Variants in BHMT2 observed in about 807,000 individuals in gnomAD.
BHMT2 encodes the protein betaine--homocysteine S-methyltransferase 2.
Under a neutral mutation model 39.0 loss-of-function variants are expected in BHMT2, and 28 were observed. That is an observed-to-expected ratio of 0.72 (90% confidence interval 0.53 to 0.98). BHMT2 has a LOEUF of 0.98. Among genes scored for constraint, BHMT2 ranks in the 50% least tolerant of loss-of-function variants. BHMT2 has a pLI of 0.00. For synonymous variants in BHMT2, 145 were observed against 160.6 expected, an observed-to-expected ratio of 0.90 and a Z score of 0.74; for missense variants, 410 against 455.6, an observed-to-expected ratio of 0.90 and a Z score of 0.91.
Position 79,089,298 on chromosome 5 carries a change from A to G in BHMT2, c.*724A>G, listed in dbSNP as rs1580257362. 1 of 152,202 alleles carries G rather than the reference A, an allele frequency of 6.6e-6. No homozygotes were observed. The highest frequency in any genetic ancestry group is 1.5e-5 in the Non-Finnish European group (1 of 68,060). The allele number at this position is 152,202 out of a possible 1,614,324, so 9.4% of individuals were successfully genotyped here. The stretch of plus-strand genomic sequence containing the variant: ...GAAACCCTGTCTCTACCAAAATACA[A>G]AAATTAGCCGGGCATGATGGCGGGT... On this transcript the variant is annotated 3_prime_UTR_variant, in exon 8 of 8. Transcript: ENST00000255192.
In BHMT2 at chr5:79,083,282, G is replaced by A; in HGVS notation, c.689G>A (p.Gly230Glu). 6.2e-7 allele frequency: 1 copy of A among 1,614,092 alleles called. No homozygotes were observed. The highest frequency in any genetic ancestry group is 8.5e-7 in the Non-Finnish European group (1 of 1,179,982). The part of the protein sequence containing the change: ...ELMKEGLEWA[G>E]LKAHLMVQPL... ...ATGAAGGAGGGTCTTGAGTGGGCAG[G>A]GCTGAAAGCGCACCTCATGGTGCAG... Residue 230 changes from glycine (G) to glutamate (E), a missense_variant, in exon 6 of 8, where the codon GGG becomes GAG. Gly to Glu is a moderately conservative substitution (Grantham distance 98). Coordinates refer to ENST00000255192, the MANE Select transcript of BHMT2 (RefSeq NM_017614.5).
chr5:79,078,911 A>T (rs1480765196), intron 2 of BHMT2, among the ~76,000 whole-genome samples: 3 of 152,254 alleles, frequency 2.0e-5, no homozygotes, highest in Non-Finnish European at 4.4e-5. Context: ...AAGCTTCCAG[A>T]CTGCTTTCTG....
rs1317084891 is a variant in BHMT2, at chr5:79,083,640, G to A, written c.794G>A (p.Arg265Lys). 1 of 1,614,004 alleles carries A rather than the reference G, an allele frequency of 6.2e-7. No individual in the cohort carries two copies. Among genetic ancestry groups the A allele is most frequent in the Admixed American group, 1.7e-5 (1 of 60,012 alleles). Residue 265 changes from arginine to lysine, a missense_variant, in exon 7 of 8, where the codon AGA (arginine) becomes AAA (lysine). By Grantham distance (26) the Arg-to-Lys change is conservative (BLOSUM62 2). Transcript: ENST00000255192. ...TATTGTGATTCAGGACTGGAGTCCA[G>A]AGTTGCCACCAGATGGGATATTCAA... is the stretch of plus-strand genomic sequence containing the variant. The part of the protein sequence containing the change: ...LPEYPFGLES[R>K]VATRWDIQKY...
Position 79,088,491 on chromosome 5 carries a change from A to G in BHMT2, c.1011-2A>G, listed in dbSNP as rs772067632. 4 of 1,612,914 alleles carry G rather than the reference A, an allele frequency of 2.5e-6. No individual in the cohort carries two copies. The African/African-American group carries it at 5.3e-5, about 22-fold the overall frequency. On this transcript the variant is annotated splice_acceptor_variant, in intron 7 of 7. Transcript: ENST00000255192. LOFTEE classifies it high-confidence loss of function. ...ATTAATTATGTATATATTGAAACAC[A>G]GGGCTCGAAGGGAGTATTGGGAGAA...
At position 79,088,524 on chromosome 5, in the gene BHMT2, C is replaced by T; in HGVS notation, c.1042C>T (p.Pro348Ser). 1.9e-6 allele frequency: 3 copies of T among 1,614,052 alleles called. No homozygotes were observed. The highest frequency in any genetic ancestry group is 2.5e-6 in the Non-Finnish European group (3 of 1,179,992). The change falls in exon 8 of 8, where the codon CCA (proline) becomes TCA (serine). Residue 348 changes from proline (P) to serine (S), a missense_variant. Coordinates refer to ENST00000255192, the MANE Select transcript of BHMT2 (RefSeq NM_017614.5). The stretch of plus-strand genomic sequence containing the variant: ...AAGGGAGTATTGGGAGAATCTGCTG[C>T]CAGCTTCAGGCAGACCTTTCTGTCC... ...ARREYWENLL[P>S]ASGRPFCPSL... is the part of the protein sequence containing the mutation.
chr5:79,083,369 C>A lies in BHMT2; in HGVS notation c.776C>A (p.Pro259His). 1 of 1,595,544 alleles carries A rather than the reference C, an allele frequency of 6.3e-7. No individual in the cohort carries two copies. The change falls in exon 6 of 8, where the codon CCC (proline) becomes CAC (histidine). Residue 259 changes from proline to histidine, a missense_variant. Pro to His is a moderately conservative substitution (Grantham distance 77, BLOSUM62 -2). Transcript: ENST00000255192. ...KEGFVDLPEYPFGLESRVATR... is the reference protein window; with the variant it reads ...KEGFVDLPEYHFGLESRVATR... ...GGGTTTGTGGATCTCCCAGAATATC[C>A]CTTTGGTAAGCTCAGGTGCATAGTA...
intron 6 of BHMT2, 40 bp from the exon 7 acceptor site, chr5:79,083,588 G>A (rs370399510): frequency 2.5e-6 from 4 of 1,602,670 alleles, no homozygotes; most frequent in African/African-American, 1.3e-5. Context: ...ATTTGAAAAT[G>A]AGAACAGTAA....
At position 79,083,203 on chromosome 5, in the gene BHMT2, G is replaced by A. The variant is rs139123468; in HGVS notation, c.610G>A (p.Val204Ile). 4.1e-5 allele frequency: 66 copies of A among 1,614,036 alleles called. No individual in the cohort carries two copies. The African/African-American group carries it at 4.4e-4, about 11-fold the overall frequency. The change falls in exon 6 of 8, where the codon GTT becomes ATT. Residue 204 changes from valine (V) to isoleucine (I), a missense_variant. Transcript: ENST00000255192. ...VRLVKAGASI[V>I]GVNCRFGPDT... is the part of the protein sequence containing the mutation. ...ATTTCTTTGCACAGGGGCTTCCATC[G>A]TTGGCGTGAACTGCCGCTTTGGGCC...
chr5:79,078,145 TA>T (rs1181095911), intron 2 of BHMT2: 1 of 152,010 alleles, frequency 6.6e-6, no homozygotes, highest in Non-Finnish European at 1.5e-5. Context: ...TGGTTAAGTG[TA>T]ACAGCGTTTA....
intron 7 of BHMT2, among the ~76,000 whole-genome samples, chr5:79,086,927 T>C (rs1755906487): frequency 6.6e-6 from 1 of 151,092 alleles, no homozygotes; most frequent in East Asian, 1.9e-4. Context: ...TATGGATCAT[T>C]GTATTTCACA....
Position 79,089,700 on chromosome 5 carries a change from C to G in BHMT2, c.*1126C>G, listed in dbSNP as rs1332452493. 6.6e-6 allele frequency among the ~76,000 whole-genome samples: 1 copy of G among 152,192 alleles called. No individual in the cohort carries two copies. Among genetic ancestry groups the G allele is most frequent in the Non-Finnish European group, 1.5e-5 (1 of 68,034 alleles). On this transcript the variant is annotated 3_prime_UTR_variant, in exon 8 of 8. Transcript: ENST00000255192. ...TCAGAGTTTAGGCCAGGGGCACAGG[C>G]TGACACCTATAATCCCAGCACTTTG...
intron 1 of BHMT2, 52 bp from the exon 2 acceptor site, chr5:79,077,428 G>GAAAA: frequency 5.1e-6 from 7 of 1,360,750 alleles, no homozygotes; most frequent in South Asian, 2.8e-5. Flanking sequence ...ATGCTTTTAG[G>GAAAA]AAAAAAAAAA....
intron 2 of BHMT2, 73 bp from the exon 3 acceptor site, chr5:79,079,295 CT>C: frequency 8.6e-7 from 1 of 1,159,962 alleles, no homozygotes; most frequent in Non-Finnish European, 1.3e-6. Context: ...GCTACTGCTG[CT>C]TTTGAAAATG....
intron 1 of BHMT2, among the ~76,000 whole-genome samples, chr5:79,070,753 A>G (rs1004117917): frequency 6.6e-6 from 1 of 152,240 alleles, no homozygotes; most frequent in African/African-American, 2.4e-5. Flanking sequence ...AGACAGTTAA[A>G]TAACTTAGTA....
chr5:79,075,810 G>A (rs1418771794), intron 1 of BHMT2, among the ~76,000 whole-genome samples: 5 of 152,222 alleles, frequency 3.3e-5, no homozygotes, highest in African/African-American at 1.2e-4. Flanking sequence ...TGCAGGGTGT[G>A]TGATGGAGGC....
In BHMT2 at chr5:79,082,841, T is replaced by A; in HGVS notation, c.483T>A (p.Ala161=). The change falls in exon 5 of 8, where the codon GCT becomes GCA. Residue 161 remains alanine (A), a synonymous_variant. Transcript: ENST00000255192. ...YFEHVEEAVW[A]VEVLKESDRP... ...AGCACGTTGAAGAAGCTGTGTGGGCTGTGGAAGTCTTAAAAGAATCAGATA... is the reference window on the plus strand; with the variant it reads ...AGCACGTTGAAGAAGCTGTGTGGGCAGTGGAAGTCTTAAAAGAATCAGATA... The A allele has an allele frequency of 6.2e-7, 1 of 1,614,188 alleles. No individual in the cohort carries two copies. The highest frequency in any genetic ancestry group is 1.6e-4 in the Middle Eastern group (1 of 6,062).
chr5:79,082,741 A>G (rs1412023010), intron 4 of BHMT2, 68 bp from the exon 5 acceptor site: 7 of 1,557,744 alleles, frequency 4.5e-6, no homozygotes, highest in African/African-American at 1.4e-5. Flanking sequence ...CTGTTTTGCT[A>G]TATTTACCTT....
chr5:79,069,926 C>A (rs941321855), intron 1 of BHMT2, 111 bp downstream of exon 1: 13 of 1,154,666 alleles, frequency 1.1e-5, no homozygotes, highest in African/African-American at 3.2e-5. Flanking sequence ...CGGCAAAACA[C>A]TTGGACGGGA....
rs1214327603 is a variant in BHMT2 at position 79,082,860 on chromosome 5, T to A, written c.502T>A (p.Ser168Thr). ...AVWAVEVLKE[S>T]DRPVAVTMCI... ...GTGGGCTGTGGAAGTCTTAAAAGAA[T>A]CAGATAGACCCGTGGCAGTTACCAT... The change falls in exon 5 of 8, where the codon TCA becomes ACA. Residue 168 changes from serine to threonine, a missense_variant. Transcript: ENST00000255192. 6.2e-7 allele frequency: 1 copy of A among 1,614,010 alleles called. No individual in the cohort carries two copies. Among genetic ancestry groups the A allele is most frequent in the African/African-American group, 1.3e-5 (1 of 74,916 alleles).
Sources: allele counts gnomAD v4.1 joint callset (sites outside exome capture counted in the v4.1 genomes callset), GRCh38; gene constraint gnomAD v4.1.1; transcripts MANE v1.5; gene names NCBI Gene and HGNC (gene_info 2026-07-23, HGNC 2026-07-21).